The following NELL1 variants were observed in gnomAD, a reference collection of about 807,000 sequenced individuals.
NELL1 encodes the protein neural EGFL like 1.
NELL1 carries 76 observed loss-of-function variants against 107.4 expected under a neutral mutation model. The observed-to-expected ratio is 0.71, with a 90% confidence interval of 0.59 to 0.86. NELL1 has a LOEUF of 0.86. Among genes scored for constraint, NELL1 ranks in the 40% least tolerant of loss-of-function variants. The pLI is 0.00. For missense variants in NELL1, 1,024 were observed against 1,005.5 expected (o/e 1.02, Z -0.25); for synonymous variants, 353 against 341.2 (o/e 1.03, Z -0.38).
In NELL1 at chr11:21,148,789, A is replaced by G. The variant is rs533296504; in HGVS notation, c.1426+35075A>G. On this transcript the variant is annotated intron_variant, in intron 13 of 19. Coordinates refer to ENST00000357134, the MANE Select transcript of NELL1 (RefSeq NM_006157.5). Reference sequence around the variant, plus strand: ...CAAAATAGAAGACCTTGAGTTTCTGAGTTGTAGCAGAAAGGTTTTCTTTTT... The same window carrying G: ...CAAAATAGAAGACCTTGAGTTTCTGGGTTGTAGCAGAAAGGTTTTCTTTTT... 3.5e-4 allele frequency among the ~76,000 whole-genome samples: 54 copies of G among 152,292 alleles called. 1 individual carries two copies. The South Asian group carries it at 4.1e-3, about 12-fold the overall frequency.
intron 12 of NELL1, among the ~76,000 whole-genome samples, chr11:20,968,652 C>CA (rs1409255585): frequency 6.6e-6 from 1 of 151,928 alleles, no homozygotes. Flanking sequence ...AATGGTTTTT[C>CA]AAAAAATCAT....
At chr11:21,138,960 T>A (rs1270623186) in intron 13 of NELL1, among the ~76,000 whole-genome samples, 1 of 152,212 alleles carries the variant, frequency 6.6e-6, no homozygotes, top group Admixed American at 6.5e-5. Flanking sequence ...ATTCAACTAA[T>A]GAAGATGGAG....
At chr11:21,187,294 C>A (rs1157173332) in intron 13 of NELL1, among the ~76,000 whole-genome samples, 1 of 151,664 alleles carries the variant, frequency 6.6e-6, no homozygotes, top group Non-Finnish European at 1.5e-5. Context: ...AGAAGAGAGA[C>A]AAGATGTCTG....
At chr11:21,491,881 T>G (rs1442715102) in intron 15 of NELL1, among the ~76,000 whole-genome samples, 1 of 152,114 alleles carries the variant, frequency 6.6e-6, no homozygotes. Context: ...CATTGAGCAG[T>G]GGTTTGTAGT....
intron 4 of NELL1, among the ~76,000 whole-genome samples, chr11:20,883,930 C>T (rs576596908): frequency 6.6e-5 from 10 of 152,250 alleles, no homozygotes; most frequent in Middle Eastern, 3.4e-3. Flanking sequence ...CAAATAGTTT[C>T]GTCTAAAATC....
intron 2 of NELL1, among the ~76,000 whole-genome samples, chr11:20,715,866 G>C (rs1374940899): frequency 1.3e-5 from 2 of 152,216 alleles, no homozygotes; most frequent in Non-Finnish European, 2.9e-5. Flanking sequence ...TAGCCTTTGT[G>C]GATATTTGAC....
At chr11:21,151,502 T>C (rs887080217) in intron 13 of NELL1, among the ~76,000 whole-genome samples, 1 of 152,162 alleles carries the variant, frequency 6.6e-6, no homozygotes. Context: ...ATTTGAAGTG[T>C]ATCTTGTGGA....
At chr11:21,070,991 T>C (rs1853999246) in intron 12 of NELL1, among the ~76,000 whole-genome samples, 1 of 152,184 alleles carries the variant, frequency 6.6e-6, no homozygotes, top group Admixed American at 6.6e-5. Flanking sequence ...ACGCTAAGCA[T>C]TTTAAGTGCT....
chr11:21,328,884 T>C (rs930048614), intron 14 of NELL1, among the ~76,000 whole-genome samples: 3 of 152,184 alleles, frequency 2.0e-5, no homozygotes, highest in Non-Finnish European at 4.4e-5. Context: ...CCATTTTTAA[T>C]GGGTGTATTT....
intron 2 of NELL1, among the ~76,000 whole-genome samples, chr11:20,779,016 A>G (rs1856805107): frequency 1.3e-5 from 2 of 151,900 alleles, no homozygotes; most frequent in Admixed American, 6.6e-5. Context: ...TGAGGACTGG[A>G]GCTGAGGTTA....
chr11:20,735,741 C>T (rs1855748155), intron 2 of NELL1, among the ~76,000 whole-genome samples: 2 of 152,246 alleles, frequency 1.3e-5, no homozygotes, highest in African/African-American at 4.8e-5. Context: ...CAAGTATAGC[C>T]AGCTGTTTAT....
At chr11:20,867,735 C>T (rs1222939949) in intron 4 of NELL1, among the ~76,000 whole-genome samples, 6 of 152,064 alleles carry the variant, frequency 3.9e-5, no homozygotes, top group Admixed American at 1.3e-4. Context: ...CTGCCTATGC[C>T]AAAAGGTTAT....
At chr11:21,103,744 G>T (rs969409798) in intron 12 of NELL1, among the ~76,000 whole-genome samples, 4 of 152,158 alleles carry the variant, frequency 2.6e-5, no homozygotes, top group Admixed American at 1.3e-4. Context: ...TGGAATCAGA[G>T]AGATAGGAAA....
chr11:20,708,008 C>T (rs1236725030), intron 2 of NELL1, among the ~76,000 whole-genome samples: 1 of 152,222 alleles, frequency 6.6e-6, no homozygotes. Flanking sequence ...TTGGAGCTTC[C>T]CGGCTGCTTT....
intron 17 of NELL1, among the ~76,000 whole-genome samples, chr11:21,565,277 A>T (rs1856943756): frequency 6.6e-6 from 1 of 151,832 alleles, no homozygotes; most frequent in South Asian, 2.1e-4. Flanking sequence ...GGGTCCTGTA[A>T]AGGAACAGGG....
intron 13 of NELL1, among the ~76,000 whole-genome samples, chr11:21,194,095 T>G (rs1857101300): frequency 6.6e-6 from 1 of 151,856 alleles, no homozygotes; most frequent in Admixed American, 6.6e-5. Context: ...TATTGACCTT[T>G]AGTCGCTGTT....
intron 5 of NELL1, among the ~76,000 whole-genome samples, chr11:20,916,337 A>G (rs553664790): frequency 6.6e-6 from 1 of 152,112 alleles, no homozygotes; most frequent in Non-Finnish European, 1.5e-5. Flanking sequence ...AGAGCAGGTG[A>G]TTTGTAAATC....
chr11:21,189,097 C>T (rs927199199), intron 13 of NELL1, among the ~76,000 whole-genome samples: 2 of 151,830 alleles, frequency 1.3e-5, no homozygotes, highest in South Asian at 2.1e-4. Flanking sequence ...CTGCCACTTG[C>T]ATTTGTCACT....
At chr11:21,455,320 C>CTTTTTTT (rs34607165) in intron 15 of NELL1, among the ~76,000 whole-genome samples, 9 of 77,210 alleles carry the variant, frequency 1.2e-4, no homozygotes, top group East Asian at 3.8e-4. Flanking sequence ...TTCTTTTATT[C>CTTTTTTT]TTTTTTTTTT....
Sources: allele counts gnomAD v4.1 joint callset (sites outside exome capture counted in the v4.1 genomes callset), GRCh38; gene constraint gnomAD v4.1.1; transcripts MANE v1.5; gene names NCBI Gene and HGNC (gene_info 2026-07-23, HGNC 2026-07-21).